Variants in EXOC4 observed in about 807,000 individuals in gnomAD.
EXOC4 encodes the protein SEC8-like 1.
In EXOC4, 71 loss-of-function variants were observed where a neutral mutation model predicts 107.2. That is an observed-to-expected ratio of 0.66 (90% confidence interval 0.55 to 0.81). The LOEUF (loss-of-function observed/expected upper bound fraction) is 0.81, where lower values mean the gene tolerates loss of function less well. EXOC4 is among the 30% of genes least tolerant of loss of function. The pLI is 0.00. For missense variants in EXOC4, 1,108 were observed against 1,189.6 expected, an observed-to-expected ratio of 0.93 and a Z score of 1.01; for synonymous variants, 456 against 441.2, an observed-to-expected ratio of 1.03 and a Z score of -0.42.
intron 9 of EXOC4, among the ~76,000 whole-genome samples, chr7:133,522,991 G>A (rs377323599): frequency 6.6e-6 from 1 of 152,254 alleles, no homozygotes; most frequent in African/African-American, 2.4e-5. Context: ...TTGACTGCTG[G>A]CATTTAACTC....
Position 133,702,406 on chromosome 7 carries a change from A to G in EXOC4, c.1514+72265A>G, listed in dbSNP as rs1479566263. 1.4e-4 allele frequency among the ~76,000 whole-genome samples: 5 copies of G among 36,074 alleles called. No individual in the cohort carries two copies. The Admixed American group carries it at 1.9e-3, about 14-fold the overall frequency. The allele number at this position is 36,074 out of a possible 152,430, so 23.7% of individuals were successfully genotyped here. A position where few individuals can be genotyped will look rare whatever the true frequency, so the allele number is the denominator to read the frequency against. On this transcript the variant is annotated intron_variant, in intron 10 of 17. Coordinates refer to ENST00000253861, the MANE Select transcript of EXOC4 (RefSeq NM_021807.4). ...CAAGCTGCAGTGCAGTGATGTGATC[A>G]CATTTCACTACAACCTTGAAATCAT...
At chr7:133,388,615 A>G (rs752274551) in intron 7 of EXOC4, among the ~76,000 whole-genome samples, 4 of 152,134 alleles carry the variant, frequency 2.6e-5, no homozygotes, top group Non-Finnish European at 5.9e-5. Context: ...GTGCCACTGC[A>G]CTCTAGCATG....
intron 10 of EXOC4, among the ~76,000 whole-genome samples, chr7:133,749,796 T>C (rs1795753222): frequency 1.3e-5 from 2 of 152,162 alleles, no homozygotes; most frequent in African/African-American, 4.8e-5. Flanking sequence ...CTGAGCATGA[T>C]ATGAACTAGT....
At chr7:133,949,807 AT>A (rs1232121131) in intron 14 of EXOC4, among the ~76,000 whole-genome samples, 1 of 152,058 alleles carries the variant, frequency 6.6e-6, no homozygotes, top group Admixed American at 6.6e-5. Flanking sequence ...TCAGAATTGG[AT>A]TTTATATTTC....
intron 10 of EXOC4, among the ~76,000 whole-genome samples, chr7:133,698,900 A>G (rs1794596221): frequency 6.6e-6 from 1 of 152,190 alleles, no homozygotes; most frequent in Non-Finnish European, 1.5e-5. Context: ...TATGAAAATG[A>G]AAAAGTAGGC....
chr7:133,816,057 A>G (rs1182626223), intron 10 of EXOC4, among the ~76,000 whole-genome samples: 1 of 152,194 alleles, frequency 6.6e-6, no homozygotes, highest in Admixed American at 6.5e-5. Context: ...ACCAGTTGCT[A>G]ATAGACATTG....
chr7:134,064,348 C>G lies in EXOC4; in HGVS notation c.2745C>G (p.Asp915Glu). The change falls in exon 18 of 18, where the codon GAC (aspartate) becomes GAG (glutamate). Residue 915 changes from aspartate to glutamate, a missense_variant. Transcript: ENST00000253861. ...TADELLNLVV[D>E]QGVKYTELEY... is the part of the protein sequence containing the mutation. Reference sequence around the variant, plus strand: ...ACGAGCTCCTGAACCTGGTGGTGGACCAGGGTGTGAAGTACACGGAGCTGG... The same window carrying G: ...ACGAGCTCCTGAACCTGGTGGTGGAGCAGGGTGTGAAGTACACGGAGCTGG... 6.6e-7 allele frequency: 1 copy of G among 1,519,950 alleles called. No homozygotes were observed. The highest frequency in any genetic ancestry group is 2.4e-5 in the East Asian group (1 of 41,060). The allele number at this position is 1,519,950 out of a possible 1,614,324, so 94.2% of individuals were successfully genotyped here. A position where few individuals can be genotyped will look rare whatever the true frequency, so the allele number is the denominator to read the frequency against.
intron 9 of EXOC4, among the ~76,000 whole-genome samples, chr7:133,621,108 A>G (rs998154007): frequency 2.6e-5 from 4 of 152,348 alleles, no homozygotes; most frequent in South Asian, 4.1e-4. Context: ...ACTTATGCTC[A>G]TGGAAGAGCT....
chr7:133,392,082 A>G (rs1034263574), intron 7 of EXOC4, among the ~76,000 whole-genome samples: 1 of 152,234 alleles, frequency 6.6e-6, no homozygotes, highest in Non-Finnish European at 1.5e-5. Context: ...CTGCAGTGAG[A>G]ACTATCGGAC....
At chr7:134,098,840 G>A in the EXOC4 span, among the ~76,000 whole-genome samples, 5 of 152,180 alleles carry the variant, frequency 3.3e-5, no homozygotes, top group Admixed American at 6.5e-5. Flanking sequence ...TTGGAGCCAC[G>A]TCCAACACAG....
intron 9 of EXOC4, among the ~76,000 whole-genome samples, chr7:133,577,524 T>A (rs1322099014): frequency 2.0e-5 from 3 of 152,188 alleles, no homozygotes; most frequent in Non-Finnish European, 2.9e-5. Flanking sequence ...AAAAGTTAAG[T>A]TACATGTTTA....
chr7:133,702,256 C>T (rs949991403), intron 10 of EXOC4, among the ~76,000 whole-genome samples: 1 of 151,498 alleles, frequency 6.6e-6, no homozygotes, highest in Non-Finnish European at 1.5e-5. Flanking sequence ...AGCACAGCAG[C>T]ATCACCAGAA....
intron 11 of EXOC4, among the ~76,000 whole-genome samples, chr7:133,845,246 T>C (rs1463092913): frequency 6.6e-6 from 1 of 151,946 alleles, no homozygotes; most frequent in Admixed American, 6.6e-5. Flanking sequence ...TGTTTTGTTT[T>C]ACTACAAATG....
At chr7:133,417,074 G>A (rs1410420746) in intron 7 of EXOC4, among the ~76,000 whole-genome samples, 1 of 152,186 alleles carries the variant, frequency 6.6e-6, no homozygotes, top group African/African-American at 2.4e-5. Flanking sequence ...TTATACCTTG[G>A]AAGCTGGGAA....
intron 10 of EXOC4, among the ~76,000 whole-genome samples, chr7:133,781,739 T>A (rs1484195257): frequency 1.3e-5 from 2 of 152,170 alleles, no homozygotes; most frequent in Non-Finnish European, 2.9e-5. Flanking sequence ...GGCTCAGCAG[T>A]GACTCATCAT....
intron 11 of EXOC4, among the ~76,000 whole-genome samples, chr7:133,851,865 A>T (rs575587260): frequency 6.6e-5 from 10 of 152,260 alleles, no homozygotes; most frequent in South Asian, 2.1e-4. Flanking sequence ...AGTTGATTTG[A>T]TCTTCCCACG....
At position 133,592,750 on chromosome 7, in the gene EXOC4, G is replaced by A. The variant is rs961254134; in HGVS notation, c.1418-37295G>A. 3.3e-5 allele frequency among the ~76,000 whole-genome samples: 5 copies of A among 152,110 alleles called. No individual in the cohort carries two copies. In the East Asian group the frequency reaches 5.8e-4, roughly 18 times the overall value. ...CCCGAGTAGCTGGGATTACAGCCAC[G>A]CACCACCATGCCCAGCTAATTTTTG... On this transcript the variant is annotated intron_variant, in intron 9 of 17. Coordinates refer to ENST00000253861, the MANE Select transcript of EXOC4 (RefSeq NM_021807.4).
intron 7 of EXOC4, among the ~76,000 whole-genome samples, chr7:133,469,270 G>A (rs1202973616): frequency 6.6e-6 from 1 of 152,078 alleles, no homozygotes; most frequent in Non-Finnish European, 1.5e-5. Context: ...ACAAAAATTA[G>A]CCTGGTGTGG....
chr7:133,934,531 CA>C (rs1171898598), intron 13 of EXOC4, among the ~76,000 whole-genome samples: 1 of 152,194 alleles, frequency 6.6e-6, no homozygotes, highest in Non-Finnish European at 1.5e-5. Flanking sequence ...GCGCTGGCAG[CA>C]CACGGCAGAC....
Sources: gnomAD v4.1 joint callset for allele counts (sites outside exome capture counted in the v4.1 genomes callset) on GRCh38, gnomAD v4.1.1 for gene constraint, MANE v1.5 for transcripts, NCBI Gene and HGNC (gene_info 2026-07-23, HGNC 2026-07-21) for gene names.